RARB: variants seen among roughly 807,000 people sequenced by gnomAD.
The protein encoded by RARB is retinoic acid receptor beta, also known as HBV-activated protein.
RARB carries 17 observed loss-of-function variants against 51.9 expected under a neutral mutation model. That is an observed-to-expected ratio of 0.33 (90% CI 0.22 to 0.49). RARB has a LOEUF of 0.49. Among genes scored for constraint, RARB ranks in the 20% least tolerant of loss-of-function variants. RARB has a pLI of 0.99. For missense variants in RARB, 369 were observed against 550.8 expected (o/e 0.67, Z 3.30); for synonymous variants, 215 against 195.4 (o/e 1.10, Z -0.84).
At chr3:24,929,981 A>G (rs769561435) in intron 2 of RARB, among the ~76,000 whole-genome samples, 20 of 152,112 alleles carry the variant, frequency 1.3e-4, no homozygotes, top group Non-Finnish European at 2.8e-4. Context: ...GATTTGGTAC[A>G]GAGTATGATA....
intron 3 of RARB, among the ~76,000 whole-genome samples, chr3:25,126,150 T>C (rs1377774304): frequency 1.3e-5 from 2 of 152,206 alleles, no homozygotes; most frequent in Non-Finnish European, 1.5e-5. Context: ...TTTTTTTCAT[T>C]AAAAACATCA....
intron 5 of RARB, chr3:25,346,069 A>C (rs1003967754): frequency 4.7e-5 from 8 of 169,056 alleles, no homozygotes; most frequent in Non-Finnish European, 9.6e-5. Flanking sequence ...TTAGTTGTGA[A>C]CACTCTGGTC....
At chr3:25,311,852 A>T (rs145172498) in intron 5 of RARB, among the ~76,000 whole-genome samples, 17 of 152,290 alleles carry the variant, frequency 1.1e-4, no homozygotes, top group African/African-American at 3.9e-4. Context: ...ACAGTGGGGG[A>T]TGTGGATACT....
chr3:24,912,044 T>C (rs1694999448), intron 2 of RARB, among the ~76,000 whole-genome samples: 1 of 152,364 alleles, frequency 6.6e-6, no homozygotes, highest in East Asian at 1.9e-4. Flanking sequence ...GAACCATTTT[T>C]AGCGACATTT....
At chr3:24,953,816 C>T (rs1367234169) in intron 2 of RARB, among the ~76,000 whole-genome samples, 2 of 152,120 alleles carry the variant, frequency 1.3e-5, no homozygotes, top group African/African-American at 4.8e-5. Flanking sequence ...TGTGCCGTGC[C>T]CATTCAACTC....
intron 5 of RARB, among the ~76,000 whole-genome samples, chr3:25,279,336 C>A (rs1333230029): frequency 6.6e-6 from 1 of 152,142 alleles, no homozygotes; most frequent in African/African-American, 2.4e-5. Flanking sequence ...ACCTCTTGTC[C>A]TGTTTTCTTT....
At chr3:25,353,658 T>A (rs914698011) in intron 5 of RARB, among the ~76,000 whole-genome samples, 3 of 151,914 alleles carry the variant, frequency 2.0e-5, no homozygotes, top group African/African-American at 7.3e-5. Context: ...AAAACCAAAA[T>A]TCTGATAACT....
At chr3:25,411,136 A>T (rs1397063311) in intron 5 of RARB, among the ~76,000 whole-genome samples, 1 of 152,178 alleles carries the variant, frequency 6.6e-6, no homozygotes, top group African/African-American at 2.4e-5. Context: ...TCAGCATAAC[A>T]TCTTAATAAT....
chr3:24,871,979 T>C (rs1475257616), intron 2 of RARB, among the ~76,000 whole-genome samples: 4 of 152,156 alleles, frequency 2.6e-5, no homozygotes, highest in African/African-American at 9.7e-5. Flanking sequence ...TCTCTTGACT[T>C]TGAAAAGGGG....
chr3:25,428,448 CA>C lies in RARB; in HGVS notation c.-282del. 7.9e-7 allele frequency: 1 copy of C among 1,262,276 alleles called. No individual in the cohort carries two copies. The highest frequency in any genetic ancestry group is 9.9e-7 in the Non-Finnish European group (1 of 1,005,430). 78.2% of individuals were successfully genotyped at this position (1,262,276 alleles called of 1,614,324 possible). On this transcript the variant is annotated 5_prime_UTR_variant, in exon 1 of 8. Transcript: ENST00000330688. Reference sequence around the variant, plus strand: ...CGGAACGCATTCGGAAGGCTTTTTGCAAGCATTTACTTGGAAGGAGAACTTG... The same window carrying C: ...CGGAACGCATTCGGAAGGCTTTTTGCAGCATTTACTTGGAAGGAGAACTTG...
chr3:25,360,921 C>A (rs1482496093), intron 5 of RARB, among the ~76,000 whole-genome samples: 1 of 152,168 alleles, frequency 6.6e-6, no homozygotes, highest in Admixed American at 6.5e-5. Context: ...TTTTTTCCTT[C>A]ATTTCAACCT....
intron 4 of RARB, among the ~76,000 whole-genome samples, chr3:25,133,435 T>A (rs4583609): frequency 0.58 from 87,245 of 151,722 alleles, 25,378 homozygotes; most frequent in East Asian, 0.7. Context: ...AGTGACAATC[T>A]CATCAGCACC....
intron 2 of RARB, among the ~76,000 whole-genome samples, chr3:24,921,926 T>C (rs1216229514): frequency 6.6e-6 from 1 of 152,212 alleles, no homozygotes; most frequent in Non-Finnish European, 1.5e-5. Flanking sequence ...AGGCTGCAGA[T>C]TGATGCAGGC....
intron 3 of RARB, among the ~76,000 whole-genome samples, chr3:25,089,246 A>G (rs550585911): frequency 1.3e-5 from 2 of 151,994 alleles, no homozygotes; most frequent in African/African-American, 4.8e-5. Flanking sequence ...AAGATACTTT[A>G]TTGTATTTCA....
intron 2 of RARB, among the ~76,000 whole-genome samples, chr3:24,899,550 A>G (rs1205942235): frequency 2.0e-5 from 3 of 152,182 alleles, no homozygotes; most frequent in African/African-American, 7.2e-5. Flanking sequence ...ACAAAAGTCT[A>G]GTGGGAATTG....
intron 4 of RARB, among the ~76,000 whole-genome samples, chr3:25,576,899 C>T (rs952769121): frequency 1.3e-5 from 2 of 152,176 alleles, no homozygotes; most frequent in South Asian, 2.1e-4. Flanking sequence ...TGGGGGCAGA[C>T]GTTCCCGAAG....
chr3:25,389,626 G>T (rs1309437284), intron 5 of RARB, among the ~76,000 whole-genome samples: 1 of 152,170 alleles, frequency 6.6e-6, no homozygotes, highest in Admixed American at 6.5e-5. Context: ...GGGGGAATGA[G>T]AAGCCTTGGT....
intron 2 of RARB, among the ~76,000 whole-genome samples, chr3:24,860,815 T>C (rs1048917748): frequency 1.3e-4 from 20 of 152,152 alleles, no homozygotes; most frequent in African/African-American, 4.6e-4. Context: ...AAGTAACTTA[T>C]CTGAGTCACT....
chr3:25,503,050 C>G (rs1211194206), intron 3 of RARB, among the ~76,000 whole-genome samples: 1 of 152,330 alleles, frequency 6.6e-6, no homozygotes, highest in East Asian at 1.9e-4. Flanking sequence ...TGTGCCATTC[C>G]TTCTGGGAAG....
Sources: gnomAD v4.1 joint callset for allele counts (sites outside exome capture counted in the v4.1 genomes callset) on GRCh38, gnomAD v4.1.1 for gene constraint, MANE v1.5 for transcripts, NCBI Gene and HGNC (gene_info 2026-07-23, HGNC 2026-07-21) for gene names.